TXNRD1: variants seen among roughly 807,000 people sequenced by gnomAD.
The protein encoded by TXNRD1 is thioredoxin reductase 1, also known as thioredoxin reductase 1, cytoplasmic.
TXNRD1 carries 57 observed loss-of-function variants against 80.3 expected under a neutral mutation model. The ratio of observed to expected loss-of-function variants is 0.71; its 90% CI spans 0.57 to 0.89. The LOEUF (loss-of-function observed/expected upper bound fraction) is 0.89. TXNRD1 is among the 40% of genes least tolerant of loss of function. The probability of loss-of-function intolerance (pLI) is 0.00; values close to 1 mark genes in which losing one functional copy is unlikely to be tolerated. For synonymous variants in TXNRD1, 291 were observed against 285.2 expected, an observed-to-expected ratio of 1.02 and a Z score of -0.20; for missense variants, 730 against 803.0, an observed-to-expected ratio of 0.91 and a Z score of 1.10.
rs1254242769 is a variant in TXNRD1 at position 104,339,175 on chromosome 12, G to A, written c.1783G>A (p.Ala595Thr). 2.0e-5 allele frequency: 32 copies of A among 1,613,852 alleles called. No individual in the cohort carries two copies. The highest frequency in any genetic ancestry group is 2.5e-5 in the Non-Finnish European group (30 of 1,179,896). Reference protein sequence around the residue: ...VVGFHVLGPNAGEVTQGFAAA... With the variant: ...VVGFHVLGPNTGEVTQGFAAA... ...GGGCTTTCACGTACTGGGTCCAAAT[G>A]CTGGAGAAGTTACACAAGGCTTTGC... Residue 595 changes from alanine (A) to threonine (T), a missense_variant, in exon 16 of 17, where the codon GCT becomes ACT. By Grantham distance (58) the Ala-to-Thr change is moderately conservative (BLOSUM62 0). Transcript: ENST00000525566.
At chr12:104,241,365 G>A (rs1434650610) in intron 1 of TXNRD1, among the ~76,000 whole-genome samples, 1 of 151,662 alleles carries the variant, frequency 6.6e-6, no homozygotes, top group Non-Finnish European at 1.5e-5. Context: ...TCACAGATGA[G>A]AAAAGTCTGA....
At chr12:104,314,847 T>G (rs2035268658) in intron 6 of TXNRD1, among the ~76,000 whole-genome samples, 1 of 151,222 alleles carries the variant, frequency 6.6e-6, no homozygotes, top group Non-Finnish European at 1.5e-5. Flanking sequence ...GTACAAGCAG[T>G]TCTCCTGCCT....
At chr12:104,337,953 ATTTT>A (rs761640158) in intron 15 of TXNRD1, among the ~76,000 whole-genome samples, 12 of 116,852 alleles carry the variant, frequency 1.0e-4, no homozygotes, top group African/African-American at 3.3e-4. Flanking sequence ...TGCCCAGCTA[ATTTT>A]TTTTTTTTTT....
At chr12:104,317,811 G>T (rs1414279789) in intron 7 of TXNRD1, among the ~76,000 whole-genome samples, 2 of 152,206 alleles carry the variant, frequency 1.3e-5, no homozygotes, top group African/African-American at 4.8e-5. Context: ...CTGCACTCCA[G>T]CCTGGGCAAC....
At chr12:104,255,509 A>T (rs2033228644) in intron 2 of TXNRD1, among the ~76,000 whole-genome samples, 1 of 152,100 alleles carries the variant, frequency 6.6e-6, no homozygotes, top group Admixed American at 6.6e-5. Flanking sequence ...TTATTTAAAC[A>T]TACAGTTGCC....
intron 3 of TXNRD1, among the ~76,000 whole-genome samples, chr12:104,267,673 C>CTTTG (rs2033543605): frequency 4.7e-5 from 3 of 63,264 alleles, no homozygotes; most frequent in Admixed American, 1.8e-4. Flanking sequence ...TTCTTTCTTT[C>CTTTG]TTTCTTTCTT....
chr12:104,302,522 C>A (rs2034673483), intron 4 of TXNRD1, among the ~76,000 whole-genome samples: 1 of 90,842 alleles, frequency 1.1e-5, no homozygotes, highest in Non-Finnish European at 2.1e-5. Context: ...CGGAGTCTCG[C>A]TCTATAGCCC....
chr12:104,304,307 C>G (rs2034787291), intron 4 of TXNRD1: 2 of 1,614,008 alleles, frequency 1.2e-6, no homozygotes, highest in Admixed American at 1.7e-5. Context: ...CTTTCTGTTT[C>G]TGTTCGTGGG....
At chr12:104,325,776 G>T (rs920325437) in intron 11 of TXNRD1, among the ~76,000 whole-genome samples, 5 of 151,984 alleles carry the variant, frequency 3.3e-5, no homozygotes, top group African/African-American at 9.7e-5. Flanking sequence ...GGACGTTGAG[G>T]CAGGAGAATC....
At chr12:104,334,080 T>A (rs1014683033) in intron 14 of TXNRD1, 157 bp from the exon 15 acceptor site, 1 of 390,994 alleles carries the variant, frequency 2.6e-6, no homozygotes, top group Non-Finnish European at 4.5e-6. Flanking sequence ...GAGTTGAAAG[T>A]CATTTACCTT....
At chr12:104,224,568 TAA>T (rs1277902983) in intron 1 of TXNRD1, among the ~76,000 whole-genome samples, 1 of 152,212 alleles carries the variant, frequency 6.6e-6, no homozygotes, top group Admixed American at 6.5e-5. Flanking sequence ...GTTTTTTTAG[TAA>T]AGACGGGGTT....
intron 1 of TXNRD1, among the ~76,000 whole-genome samples, chr12:104,228,750 C>A (rs113610177): frequency 0.068 from 10,398 of 152,096 alleles, 465 homozygotes; most frequent in African/African-American, 0.12. Context: ...GACGGAGTCT[C>A]GCTCTGTTGC....
rs565916936 is a variant in TXNRD1, at chr12:104,339,055, A to G, written c.1747-84A>G. 2.6e-6 allele frequency: 4 copies of G among 1,539,734 alleles called. No homozygotes were observed. In the East Asian group the frequency reaches 6.8e-5, roughly 26 times the overall value. Reference sequence around the variant, plus strand: ...TTTGAGTTGGATTTTTAAGAAACAGACTGGAGAAATGCTCTAAGCTGTGTA... The same window carrying G: ...TTTGAGTTGGATTTTTAAGAAACAGGCTGGAGAAATGCTCTAAGCTGTGTA... On this transcript the variant is annotated intron_variant, in intron 15 of 16. Transcript: ENST00000525566.
At chr12:104,305,151 C>A (rs1039902456) in intron 4 of TXNRD1, 2 of 463,170 alleles carry the variant, frequency 4.3e-6, no homozygotes, top group East Asian at 3.8e-5. Flanking sequence ...TTTATGGGAA[C>A]GTTTTATTGA....
intron 13 of TXNRD1, among the ~76,000 whole-genome samples, chr12:104,328,143 C>T (rs1352343361): frequency 1.4e-5 from 2 of 147,056 alleles, no homozygotes; most frequent in Non-Finnish European, 3.0e-5. Flanking sequence ...CCTGCCATGG[C>T]TACAGAGCGA....
intron 13 of TXNRD1, among the ~76,000 whole-genome samples, chr12:104,329,767 A>G (rs1345355004): frequency 6.6e-6 from 1 of 152,148 alleles, no homozygotes; most frequent in East Asian, 1.9e-4. Context: ...AACTCTCTTT[A>G]TGCGTGCAAT....
chr12:104,225,478 G>A lies in TXNRD1; in HGVS notation c.91+9585G>A, dbSNP rs148779015. On this transcript the variant is annotated intron_variant, in intron 1 of 16. Transcript: ENST00000525566. ...ATCTCACCTTGAATTGTAATGATCC[G>A]CATGTGTCAAGGGCAGTACCAGATG... is the stretch of plus-strand genomic sequence containing the variant. Among the ~76,000 whole-genome samples, 361 of 152,244 alleles carry A rather than the reference G, an allele frequency of 2.4e-3. 3 individuals carry two copies. The highest frequency in any genetic ancestry group is 7.2e-3 in the African/African-American group (299 of 41,540).
At chr12:104,257,869 G>C in intron 2 of TXNRD1, 150 bp from the exon 3 acceptor site, 2 of 629,012 alleles carry the variant, frequency 3.2e-6, no homozygotes, top group South Asian at 3.7e-5. Context: ...TGTCAACAGG[G>C]AGAATCTTAT....
At chr12:104,297,178 G>A (rs1312326892) in intron 4 of TXNRD1, among the ~76,000 whole-genome samples, 3 of 151,218 alleles carry the variant, frequency 2.0e-5, no homozygotes, top group Non-Finnish European at 4.4e-5. Flanking sequence ...GTTGGCGGGC[G>A]CCTGTAATCC....
Sources: gnomAD v4.1 joint callset for allele counts (sites outside exome capture counted in the v4.1 genomes callset) on GRCh38, gnomAD v4.1.1 for gene constraint, MANE v1.5 for transcripts, NCBI Gene and HGNC (gene_info 2026-07-23, HGNC 2026-07-21) for gene names.